Variants in GNPNAT1 observed in about 807,000 individuals in gnomAD.
The protein encoded by GNPNAT1 is glucosamine 6-phosphate N-acetyltransferase.
Under a neutral mutation model 19.8 loss-of-function variants are expected in GNPNAT1, and 11 were observed. The observed-to-expected ratio is 0.56, with a 90% confidence interval of 0.35 to 0.92. The LOEUF (loss-of-function observed/expected upper bound fraction) is 0.92, where lower values mean the gene tolerates loss of function less well. Among genes scored for constraint, GNPNAT1 ranks in the 40% least tolerant of loss-of-function variants. The probability of loss-of-function intolerance (pLI) is 0.01; values close to 1 mark genes in which losing one functional copy is unlikely to be tolerated. For missense variants in GNPNAT1, 157 were observed against 211.0 expected (o/e 0.74, Z 1.59); for synonymous variants, 71 against 72.3 (o/e 0.98, Z 0.09).
At position 52,784,508 on chromosome 14, in the gene GNPNAT1, T is replaced by G; in HGVS notation, c.143A>C (p.Asp48Ala). ...ATTTTGTACATTACCTCTATTTAAG[T>G]CAGCAGTACAAAGAGGCCTCAAAAC... ...GLVLRPLCTA[D>A]LNRGFFKVLG... is the part of the protein sequence containing the mutation. The change falls in exon 2 of 6, where the codon GAC becomes GCC. Residue 48 changes from aspartate to alanine, a missense_variant. Transcript: ENST00000216410. 1 of 1,575,246 alleles carries G rather than the reference T, an allele frequency of 6.3e-7. No homozygotes were observed. The highest frequency in any genetic ancestry group is 8.6e-7 in the Non-Finnish European group (1 of 1,167,090).
chr14:52,790,213 T>C, intron 1 of GNPNAT1, among the ~76,000 whole-genome samples: 1 of 152,220 alleles, frequency 6.6e-6, no homozygotes, highest in African/African-American at 2.4e-5. Context: ...CAACAAGTAA[T>C]AGACACCGGA....
chr14:52,781,689 C>T (rs1882897483), intron 4 of GNPNAT1, 95 bp downstream of exon 4: 2 of 1,197,852 alleles, frequency 1.7e-6, no homozygotes, highest in African/African-American at 1.6e-5. Context: ...CTAAGAGGCA[C>T]TGAAAATCAA....
rs1464157568 is a variant in GNPNAT1 at position 52,777,266 on chromosome 14, A to C, written c.*1045T>G. Reference sequence around the variant, plus strand: ...GTGATTCTAACAGAAGACTACTCATATAAACAGGTTTAATGCAACATGGAA... The same window carrying C: ...GTGATTCTAACAGAAGACTACTCATCTAAACAGGTTTAATGCAACATGGAA... On this transcript the variant is annotated 3_prime_UTR_variant, in exon 6 of 6. Coordinates refer to ENST00000216410, the MANE Select transcript of GNPNAT1 (RefSeq NM_198066.4). 2 of 151,132 alleles carry C rather than the reference A, an allele frequency of 1.3e-5. No homozygotes were observed. The highest frequency in any genetic ancestry group is 4.8e-5 in the African/African-American group (2 of 41,352). The allele number at this position is 151,132 out of a possible 1,614,324, so 9.4% of individuals were successfully genotyped here. A position where few individuals can be genotyped will look rare whatever the true frequency, so the allele number is the denominator to read the frequency against.
In GNPNAT1 at chr14:52,778,175, T is replaced by C; in HGVS notation, c.*136A>G. 3.6e-6 allele frequency: 2 copies of C among 551,146 alleles called. No homozygotes were observed. 34.1% of individuals were successfully genotyped at this position (551,146 alleles called of 1,614,324 possible). A position where few individuals can be genotyped will look rare whatever the true frequency, so the allele number is the denominator to read the frequency against. On this transcript the variant is annotated 3_prime_UTR_variant, in exon 6 of 6. Transcript: ENST00000216410. ...CCCAAAGTAATCTTCTAAATGTCAT[T>C]ATACTTGTAGTATTACAATGTTTTT...
chr14:52,789,736 A>C (rs1468236075), intron 1 of GNPNAT1, among the ~76,000 whole-genome samples: 1 of 152,142 alleles, frequency 6.6e-6, no homozygotes, highest in Non-Finnish European at 1.5e-5. Flanking sequence ...AAAACTAGGA[A>C]ATTTCTGCGA....
chr14:52,786,857 A>ATTTTTTTTTTTTTTT (rs567085170), intron 1 of GNPNAT1, among the ~76,000 whole-genome samples: 1 of 98,694 alleles, frequency 1.0e-5, no homozygotes, highest in Non-Finnish European at 2.0e-5. Context: ...CAGGTTTTGG[A>ATTTTTTTTTTTTTTT]TTTTTTTTTT....
chr14:52,780,422 T>C (rs1882865932), intron 5 of GNPNAT1, among the ~76,000 whole-genome samples: 1 of 152,116 alleles, frequency 6.6e-6, no homozygotes, highest in African/African-American at 2.4e-5. Flanking sequence ...TATCTCCTAC[T>C]AGGACGAGAG....
chr14:52,784,643 G>T lies in GNPNAT1; in HGVS notation c.8C>A (p.Pro3His). MK[P>H]DETPMFDPSL... ...TGGGTCAAACATAGGAGTTTCATCA[G>T]GTTTCATTTTTCTAGTAAGGTCTAA... Residue 3 changes from proline (P) to histidine (H), a missense_variant, in exon 2 of 6, where the codon CCT becomes CAT. Physicochemically the swap from Pro to His is moderately conservative, Grantham distance 77 (BLOSUM62 -2). Transcript: ENST00000216410. 6.5e-7 allele frequency: 1 copy of T among 1,539,134 alleles called. No homozygotes were observed. Among genetic ancestry groups the T allele is most frequent in the Non-Finnish European group, 8.8e-7 (1 of 1,139,570 alleles).
chr14:52,787,047 T>C (rs1883039556), intron 1 of GNPNAT1, among the ~76,000 whole-genome samples: 2 of 151,986 alleles, frequency 1.3e-5, no homozygotes, highest in Admixed American at 1.3e-4. Flanking sequence ...TTGTACATTA[T>C]ACCAGATGTG....
intron 3 of GNPNAT1, among the ~76,000 whole-genome samples, chr14:52,782,912 C>T (rs1347126039): frequency 6.6e-6 from 1 of 152,022 alleles, no homozygotes; most frequent in African/African-American, 2.4e-5. Context: ...TTTTATTCCT[C>T]ACCGTAGCAA....
chr14:52,782,645 T>A (rs929490031), intron 3 of GNPNAT1, among the ~76,000 whole-genome samples: 4 of 151,750 alleles, frequency 2.6e-5, no homozygotes, highest in Admixed American at 2.0e-4. Context: ...TGTTAATTTC[T>A]ATGGTCTCAT....
chr14:52,789,852 C>A (rs1883115673), intron 1 of GNPNAT1, among the ~76,000 whole-genome samples: 1 of 152,048 alleles, frequency 6.6e-6, no homozygotes, highest in Non-Finnish European at 1.5e-5. Context: ...TTCCTCAGAA[C>A]CTTTTCTGAT....
At chr14:52,790,441 T>G (rs1044028454) in intron 1 of GNPNAT1, among the ~76,000 whole-genome samples, 1 of 152,222 alleles carries the variant, frequency 6.6e-6, no homozygotes, top group Non-Finnish European at 1.5e-5. Context: ...TTAACACACC[T>G]GGCCATATTT....
chr14:52,786,857 A>ATTTTTTTTTTTTTTTTTT (rs567085170), intron 1 of GNPNAT1, among the ~76,000 whole-genome samples: 1 of 98,684 alleles, frequency 1.0e-5, no homozygotes. Context: ...CAGGTTTTGG[A>ATTTTTTTTTTTTTTTTTT]TTTTTTTTTT....
chr14:52,781,977 AT>A, intron 3 of GNPNAT1, 66 bp from the exon 4 acceptor site: 1 of 1,405,540 alleles, frequency 7.1e-7, no homozygotes, highest in Non-Finnish European at 9.7e-7. Context: ...CCAGAAAAAT[AT>A]TAGGATTAGC....
At chr14:52,789,498 C>T (rs1163554026) in intron 1 of GNPNAT1, among the ~76,000 whole-genome samples, 1 of 152,036 alleles carries the variant, frequency 6.6e-6, no homozygotes, top group East Asian at 1.9e-4. Context: ...CAGAAATTAA[C>T]ATCAAAAATT....
At chr14:52,784,193 G>C (rs1188742046) in intron 2 of GNPNAT1, among the ~76,000 whole-genome samples, 1 of 152,076 alleles carries the variant, frequency 6.6e-6, no homozygotes, top group African/African-American at 2.4e-5. Context: ...TCCCCAACCA[G>C]CTTCTTAAGA....
At chr14:52,782,561 TG>T (rs1483160855) in intron 3 of GNPNAT1, among the ~76,000 whole-genome samples, 1 of 152,082 alleles carries the variant, frequency 6.6e-6, no homozygotes, top group Non-Finnish European at 1.5e-5. Context: ...TGAAATAACA[TG>T]GTTTCTCATC....
rs1883116836 is a variant in GNPNAT1, at chr14:52,789,873, A to G, written c.-15+1555T>C. On this transcript the variant is annotated intron_variant, in intron 1 of 5. Coordinates refer to ENST00000216410, the MANE Select transcript of GNPNAT1 (RefSeq NM_198066.4). Reference sequence around the variant, plus strand: ...AGAACCTTTTCTGATTAACTGCTAAATTAGCAGGCGTTTAGAAGACCCGTT... The same window carrying G: ...AGAACCTTTTCTGATTAACTGCTAAGTTAGCAGGCGTTTAGAAGACCCGTT... Among the ~76,000 whole-genome samples the G allele has an allele frequency of 1.3e-5, 2 of 151,846 alleles. 1 individual carries two copies. Among genetic ancestry groups the G allele is most frequent in the South Asian group, 4.2e-4 (2 of 4,816 alleles).
Sources: allele counts gnomAD v4.1 joint callset (sites outside exome capture counted in the v4.1 genomes callset), GRCh38; gene constraint gnomAD v4.1.1; transcripts MANE v1.5; gene names NCBI Gene and HGNC (gene_info 2026-07-23, HGNC 2026-07-21).